Variants in TULP4 observed in about 807,000 individuals in gnomAD.
TULP4 encodes the protein tubby-related protein 4.
TULP4 carries 16 observed loss-of-function variants against 129.0 expected under a neutral mutation model. The ratio of observed to expected loss-of-function variants is 0.12; its 90% CI spans 0.08 to 0.19. The LOEUF (loss-of-function observed/expected upper bound fraction) is 0.19, where lower values mean the gene tolerates loss of function less well. Ranked by LOEUF, TULP4 falls within the 10% of genes least tolerant of loss-of-function variation. The pLI is 1.00. For synonymous variants in TULP4, 998 were observed against 854.0 expected (o/e 1.17, Z -2.94); for missense variants, 1,842 against 2,059.1 (o/e 0.89, Z 2.04).
At position 158,502,434 on chromosome 6, in the gene TULP4, C is replaced by G. The variant is rs150740591; in HGVS notation, c.2771C>G (p.Thr924Ser). ...YTLPGPGSSA[T>S]LRLTATEKKV... ...CTCCCCGGCCCGGGTAGCTCTGCCA[C>G]CTTGAGGCTCACGGCCACTGAGAAG... is the stretch of plus-strand genomic sequence containing the variant. Residue 924 changes from threonine (T) to serine (S), a missense_variant, in exon 13 of 14, where the codon ACC becomes AGC. By Grantham distance (58) the Thr-to-Ser change is moderately conservative. This residue lies in a region of TULP4 where 1,089 missense variants were observed against 987.1 expected (regional missense o/e 1.10). Coordinates refer to ENST00000367097, the MANE Select transcript of TULP4 (RefSeq NM_020245.5). 2.1e-5 allele frequency: 34 copies of G among 1,613,638 alleles called. No individual in the cohort carries two copies. The African/African-American group carries it at 4.4e-4, about 21-fold the overall frequency.
chr6:158,311,828 C>T (rs910063372), upstream of TULP4, among the ~76,000 whole-genome samples: 10 of 152,218 alleles, frequency 6.6e-5, no homozygotes, highest in South Asian at 1.0e-3. Flanking sequence ...TTGAATACAA[C>T]GATCAGTGGC....
intron 1 of TULP4, among the ~76,000 whole-genome samples, chr6:158,274,278 A>G (rs1203007842): frequency 6.6e-6 from 1 of 151,432 alleles, no homozygotes; most frequent in Non-Finnish European, 1.5e-5. Context: ...AAACAAAACA[A>G]AACAAAACAC....
At chr6:158,332,087 A>C (rs890050141) in intron 1 of TULP4, among the ~76,000 whole-genome samples, 4 of 147,874 alleles carry the variant, frequency 2.7e-5, no homozygotes, top group Non-Finnish European at 6.0e-5. Context: ...CAGGAGAATC[A>C]TTTGAACCCG....
At chr6:158,425,143 G>C (rs1463427268) in intron 2 of TULP4, among the ~76,000 whole-genome samples, 5 of 89,668 alleles carry the variant, frequency 5.6e-5, no homozygotes, top group African/African-American at 2.2e-4. Flanking sequence ...GGCAGAGTGA[G>C]ACACCATCTC....
At chr6:158,456,492 C>CCAAAAGAT (rs113647670) in intron 5 of TULP4, among the ~76,000 whole-genome samples, 62,984 of 151,512 alleles carry the variant, frequency 0.42, 14,308 homozygotes, top group African/African-American at 0.62. Flanking sequence ...CCCAAGGAAG[C>CCAAAAGAT]CAAAAGATTG....
At chr6:158,349,123 C>T (rs1372276587) in intron 1 of TULP4, among the ~76,000 whole-genome samples, 231 of 142,384 alleles carry the variant, frequency 1.6e-3, no homozygotes, top group African/African-American at 5.7e-3. Flanking sequence ...GCGCTCCTCA[C>T]TTCCCAGATG....
At position 158,502,219 on chromosome 6, in the gene TULP4, C is replaced by T; in HGVS notation, c.2556C>T (p.Pro852=). The T allele has an allele frequency of 1.3e-6, 2 of 1,520,396 alleles. No individual in the cohort carries two copies. Among genetic ancestry groups the T allele is most frequent in the Non-Finnish European group, 1.8e-6 (2 of 1,118,558 alleles). The allele number at this position is 1,520,396 out of a possible 1,614,324, so 94.2% of individuals were successfully genotyped here. A position where few individuals can be genotyped will look rare whatever the true frequency, so the allele number is the denominator to read the frequency against. Residue 852 remains proline, a synonymous_variant, in exon 13 of 14, where the codon CCC becomes CCT. Coordinates refer to ENST00000367097, the MANE Select transcript of TULP4 (RefSeq NM_020245.5). ...CCCCCACCACAGCAGCACCCCCGCC[C>T]CCTCTGCCGCCCCCACAGCCCCCAG... ...PAAPTTAAPP[P]PLPPPQPPVD... is the part of the protein sequence containing the mutation.
chr6:158,453,548 T>A (rs1348526783), intron 5 of TULP4, among the ~76,000 whole-genome samples: 1 of 146,204 alleles, frequency 6.8e-6, no homozygotes, highest in African/African-American at 2.6e-5. Flanking sequence ...CCCAGCACTT[T>A]GGGAGGCCGA....
At chr6:158,333,300 T>C (rs1779954254) in intron 1 of TULP4, among the ~76,000 whole-genome samples, 1 of 152,148 alleles carries the variant, frequency 6.6e-6, no homozygotes, top group Non-Finnish European at 1.5e-5. Flanking sequence ...ATGAGATTAG[T>C]GCCCTAAAAG....
chr6:158,378,129 G>A (rs1158249325), intron 1 of TULP4, among the ~76,000 whole-genome samples: 2 of 152,118 alleles, frequency 1.3e-5, no homozygotes, highest in Non-Finnish European at 2.9e-5. Flanking sequence ...CAGAAGAGAA[G>A]CCCATTAAGT....
At chr6:158,260,618 A>G (rs1236690220) in intron 1 of TULP4, among the ~76,000 whole-genome samples, 1 of 151,458 alleles carries the variant, frequency 6.6e-6, no homozygotes, top group Non-Finnish European at 1.5e-5. Flanking sequence ...AGCCTTCTGC[A>G]TAAGGATGAC....
At chr6:158,329,827 A>ACAAT (rs1779833851) in intron 1 of TULP4, among the ~76,000 whole-genome samples, 1 of 151,706 alleles carries the variant, frequency 6.6e-6, no homozygotes, top group African/African-American at 2.4e-5. Context: ...GAAAAACCTA[A>ACAAT]CTATTTTCAA....
At chr6:158,330,482 ACT>A (rs1485735509) in intron 1 of TULP4, among the ~76,000 whole-genome samples, 5 of 151,720 alleles carry the variant, frequency 3.3e-5, no homozygotes, top group African/African-American at 4.8e-5. Context: ...GCACGCATAC[ACT>A]CTCTCTCTTT....
At chr6:158,466,782 CA>C in intron 6 of TULP4, among the ~76,000 whole-genome samples, 1 of 152,318 alleles carries the variant, frequency 6.6e-6, no homozygotes, top group East Asian at 1.9e-4. Context: ...AGTGATGACA[CA>C]GAAATGCTTT....
intron 1 of TULP4, among the ~76,000 whole-genome samples, chr6:158,317,988 C>T (rs1420552504): frequency 1.3e-5 from 2 of 152,150 alleles, no homozygotes; most frequent in African/African-American, 2.4e-5. Flanking sequence ...ATCCTTTGCC[C>T]ACTTTTTGAC....
Position 158,493,588 on chromosome 6 carries a change from C to G in TULP4, c.1647C>G (p.Ala549=). ...SPKLPRISIE[A]RKSPKLPRAA... ...GCCTCCCCAGGATCAGCATTGAGGCCCGCAAGTCACCCAAGCTGCCCCGGG... is the reference window on the plus strand; with the variant it reads ...GCCTCCCCAGGATCAGCATTGAGGCGCGCAAGTCACCCAAGCTGCCCCGGG... Residue 549 remains alanine (A), a synonymous_variant, in exon 10 of 14, where the codon GCC becomes GCG. Coordinates refer to ENST00000367097, the MANE Select transcript of TULP4 (RefSeq NM_020245.5). The surrounding 1 kb of genome is among the most constrained non-coding windows in gnomAD (Gnocchi z 4.4). The G allele has an allele frequency of 1.3e-6, 2 of 1,547,400 alleles. No individual in the cohort carries two copies. Among genetic ancestry groups the G allele is most frequent in the Non-Finnish European group, 1.7e-6 (2 of 1,147,622 alleles).
intron 2 of TULP4, among the ~76,000 whole-genome samples, chr6:158,415,418 C>T (rs866702270): frequency 2.0e-4 from 29 of 147,828 alleles, no homozygotes; most frequent in Middle Eastern, 3.2e-3. Flanking sequence ...GGCACGATCT[C>T]AACTCACTGC....
intron 1 of TULP4, among the ~76,000 whole-genome samples, chr6:158,325,520 T>C (rs961812371): frequency 8.6e-5 from 13 of 151,932 alleles, no homozygotes; most frequent in African/African-American, 2.9e-4. Flanking sequence ...GCCTGGCTAA[T>C]TTTTTGTATT....
At chr6:158,484,347 C>T (rs1054177238) in intron 8 of TULP4, among the ~76,000 whole-genome samples, 2 of 151,624 alleles carry the variant, frequency 1.3e-5, no homozygotes, top group African/African-American at 4.9e-5. Flanking sequence ...GACAGGGTCT[C>T]ACCGTGTTTC....
Sources: allele counts gnomAD v4.1 joint callset (sites outside exome capture counted in the v4.1 genomes callset), GRCh38; gene constraint gnomAD v4.1.1; regional missense constraint gnomAD v4.1.1; non-coding constraint Gnocchi (gnomAD v3.1); transcripts MANE v1.5; gene names NCBI Gene and HGNC (gene_info 2026-07-23, HGNC 2026-07-21).